ADAMTS12: variants seen among roughly 807,000 people sequenced by gnomAD.
ADAMTS12 encodes ADAM metallopeptidase with thrombospondin type 1 motif 12.
Under a neutral mutation model 167.8 loss-of-function variants are expected in ADAMTS12, and 118 were observed. The observed-to-expected ratio is 0.70, with a 90% confidence interval of 0.61 to 0.82. The LOEUF (loss-of-function observed/expected upper bound fraction) is 0.82. ADAMTS12 is among the 40% of genes least tolerant of loss of function. The pLI, the probability that ADAMTS12 is intolerant of heterozygous loss-of-function variation, is 0.00. For synonymous variants in ADAMTS12, 704 were observed against 716.9 expected (o/e 0.98, Z 0.29); for missense variants, 1,916 against 1,998.8 (o/e 0.96, Z 0.79).
At chr5:33,827,058 G>A (rs931229281) in intron 2 of ADAMTS12, among the ~76,000 whole-genome samples, 1 of 117,710 alleles carries the variant, frequency 8.5e-6, no homozygotes, top group African/African-American at 2.9e-5. Flanking sequence ...AATGTCTATG[G>A]AATGATGTGT....
intron 3 of ADAMTS12, among the ~76,000 whole-genome samples, chr5:33,730,287 A>AGG (rs201539932): frequency 0.15 from 9,599 of 65,492 alleles, 606 homozygotes; most frequent in East Asian, 0.44. Flanking sequence ...AGAGTCCATT[A>AGG]GGGTGTGTGT....
chr5:33,770,358 AT>A (rs1433840806), intron 2 of ADAMTS12, among the ~76,000 whole-genome samples: 2 of 151,976 alleles, frequency 1.3e-5, no homozygotes, highest in Admixed American at 1.3e-4. Flanking sequence ...TTTTCTCACT[AT>A]TTATTAATTT....
intron 17 of ADAMTS12, among the ~76,000 whole-genome samples, chr5:33,594,430 T>G (rs1017529471): frequency 1.3e-5 from 2 of 152,212 alleles, no homozygotes; most frequent in Non-Finnish European, 1.5e-5. Context: ...TTTTCAGAAA[T>G]TATACCTGTA....
Position 33,683,028 on chromosome 5 carries a change from T to C in ADAMTS12, c.905A>G (p.Glu302Gly). The C allele has an allele frequency of 5.0e-6, 8 of 1,612,552 alleles. No individual in the cohort carries two copies. Among genetic ancestry groups the C allele is most frequent in the Non-Finnish European group, 5.9e-6 (7 of 1,179,382 alleles). Residue 302 changes from glutamate to glycine, a missense_variant, in exon 5 of 24, where the codon GAA (glutamate) becomes GGA (glycine). Transcript: ENST00000504830. Reference protein sequence around the residue: ...HIVVVRLILLEEEEQGLKIVH... With the variant: ...HIVVVRLILLGEEEQGLKIVH... ...GGGAAAAAATGTTACCTCTTCTTCT[T>C]CGAGTAGAATGAGCCGAACCACAAC...
intron 14 of ADAMTS12, among the ~76,000 whole-genome samples, chr5:33,618,069 G>C (rs1442629151): frequency 6.6e-6 from 1 of 152,160 alleles, no homozygotes. Context: ...TTGACCAGAA[G>C]CTCTACCAAT....
chr5:33,560,971 T>C, intron 20 of ADAMTS12, 56 bp downstream of exon 20: 1 of 1,592,430 alleles, frequency 6.3e-7, no homozygotes, highest in Non-Finnish European at 8.6e-7. Context: ...AGATTCCCTT[T>C]CCAACCCATC....
Position 33,576,078 on chromosome 5 carries a change from G to T in ADAMTS12, c.3948C>A (p.His1316Gln). Residue 1316 changes from histidine to glutamine, a missense_variant, in exon 19 of 24, where the codon CAC becomes CAA. Transcript: ENST00000504830. The part of the protein sequence containing the change: ...KQLTNGHGSA[H>Q]WIVGNWSECS... ...CCTCGCTCCAGTTTCCGACGATCCA[G>T]TGTGCAGAGCCGTGGCCGTTTGTGA... The T allele has an allele frequency of 6.2e-7, 1 of 1,613,876 alleles. No homozygotes were observed. The highest frequency in any genetic ancestry group is 8.5e-7 in the Non-Finnish European group (1 of 1,179,876).
At chr5:33,701,543 C>A (rs375984285) in intron 3 of ADAMTS12, among the ~76,000 whole-genome samples, 1 of 152,150 alleles carries the variant, frequency 6.6e-6, no homozygotes, top group Non-Finnish European at 1.5e-5. Context: ...TGATTCAATA[C>A]GAAGTTACTC....
At chr5:33,592,886 CAGA>C (rs1158382466) in intron 17 of ADAMTS12, among the ~76,000 whole-genome samples, 1 of 152,174 alleles carries the variant, frequency 6.6e-6, no homozygotes, top group African/African-American at 2.4e-5. Flanking sequence ...AATTCGGTGA[CAGA>C]AGAAGATATT....
chr5:33,720,795 A>C (rs58485624), intron 3 of ADAMTS12, among the ~76,000 whole-genome samples: 5,775 of 152,270 alleles, frequency 0.038, 362 homozygotes, highest in African/African-American at 0.13. Context: ...AGTTTCAACT[A>C]AAGCTTAACA....
At chr5:33,623,484 G>C (rs552788204) in intron 14 of ADAMTS12, among the ~76,000 whole-genome samples, 6 of 152,298 alleles carry the variant, frequency 3.9e-5, no homozygotes, top group Admixed American at 2.6e-4. Context: ...TGCCTTCCTT[G>C]GGAACTGACT....
intron 22 of ADAMTS12, among the ~76,000 whole-genome samples, chr5:33,535,629 CTT>C (rs1744360731): frequency 6.6e-6 from 1 of 152,182 alleles, no homozygotes; most frequent in East Asian, 1.9e-4. Context: ...AAACATTCAT[CTT>C]TGCATCATGA....
intron 2 of ADAMTS12, among the ~76,000 whole-genome samples, chr5:33,859,372 C>T (rs1463998958): frequency 6.6e-6 from 1 of 152,224 alleles, no homozygotes; most frequent in Admixed American, 6.5e-5. Flanking sequence ...TTTCCCCTCA[C>T]AGTGTAAACA....
intron 1 of ADAMTS12, among the ~76,000 whole-genome samples, chr5:33,883,829 C>A (rs1478031212): frequency 2.0e-5 from 3 of 152,212 alleles, no homozygotes; most frequent in African/African-American, 7.2e-5. Context: ...TCAGTCCTCT[C>A]TCCTGTCCAC....
chr5:33,795,603 A>G (rs1346750016), intron 2 of ADAMTS12, among the ~76,000 whole-genome samples: 1 of 152,212 alleles, frequency 6.6e-6, no homozygotes, highest in African/African-American at 2.4e-5. Flanking sequence ...CGCTCCTCAG[A>G]GGAGCGGTGG....
chr5:33,677,306 A>G (rs1434915166), intron 5 of ADAMTS12, among the ~76,000 whole-genome samples: 1 of 152,234 alleles, frequency 6.6e-6, no homozygotes, highest in African/African-American at 2.4e-5. Flanking sequence ...TATGCTAAGT[A>G]TTACATGAAT....
intron 5 of ADAMTS12, among the ~76,000 whole-genome samples, chr5:33,662,443 G>GT (rs1243323094): frequency 5.3e-5 from 8 of 152,226 alleles, no homozygotes; most frequent in African/African-American, 1.9e-4. Flanking sequence ...TTCAACAAAA[G>GT]TTTTTTCTTC....
At chr5:33,851,788 A>C (rs1313501369) in intron 2 of ADAMTS12, among the ~76,000 whole-genome samples, 1 of 152,198 alleles carries the variant, frequency 6.6e-6, no homozygotes, top group East Asian at 1.9e-4. Context: ...AGCTGATTTC[A>C]TTCATTTATT....
chr5:33,554,035 A>G (rs553422994), intron 20 of ADAMTS12, among the ~76,000 whole-genome samples: 144 of 152,312 alleles, frequency 9.5e-4, no homozygotes, highest in Admixed American at 3.1e-3. Flanking sequence ...GAATTCACAT[A>G]AATGAATAGA....
Sources: gnomAD v4.1 joint callset for allele counts (sites outside exome capture counted in the v4.1 genomes callset) on GRCh38, gnomAD v4.1.1 for gene constraint, MANE v1.5 for transcripts, NCBI Gene and HGNC (gene_info 2026-07-23, HGNC 2026-07-21) for gene names.